The following PLOD2 variants were observed in gnomAD, a reference collection of about 807,000 sequenced individuals.
The protein encoded by PLOD2 is procollagen-lysine,2-oxoglutarate 5-dioxygenase 2.
PLOD2 carries 65 observed loss-of-function variants against 101.0 expected under a neutral mutation model. The observed-to-expected ratio is 0.64, with a 90% CI of 0.53 to 0.79. The LOEUF (loss-of-function observed/expected upper bound fraction) is 0.79, where lower values mean the gene tolerates loss of function less well. Ranked by LOEUF, PLOD2 falls within the 30% of genes least tolerant of loss-of-function variation. The pLI, the probability that PLOD2 is intolerant of heterozygous loss-of-function variation, is 0.00. For missense variants in PLOD2, 909 were observed against 914.6 expected (o/e 0.99, Z 0.08); for synonymous variants, 314 against 302.9 (o/e 1.04, Z -0.38).
chr3:146,102,492 C>T (rs961428693), intron 7 of PLOD2, among the ~76,000 whole-genome samples: 1 of 152,028 alleles, frequency 6.6e-6, no homozygotes, highest in African/African-American at 2.4e-5. Context: ...GTGGCTCACT[C>T]CCAAGTTAGT....
chr3:146,126,828 T>A (rs28648696), intron 1 of PLOD2, among the ~76,000 whole-genome samples: 8 of 138,800 alleles, frequency 5.8e-5, no homozygotes, highest in Non-Finnish European at 1.1e-4. Context: ...TACTTTTTTT[T>A]AAAAAAGAGT....
chr3:146,106,883 A>C (rs1387539870), intron 4 of PLOD2, among the ~76,000 whole-genome samples: 1 of 152,228 alleles, frequency 6.6e-6, no homozygotes, highest in Non-Finnish European at 1.5e-5. Flanking sequence ...AACTCTTTTT[A>C]AATAAATGTG....
intron 3 of PLOD2, among the ~76,000 whole-genome samples, chr3:146,113,955 G>A (rs2108076242): frequency 6.6e-6 from 1 of 152,194 alleles, no homozygotes; most frequent in Non-Finnish European, 1.5e-5. Context: ...GAAAGAAAAT[G>A]CTTTCCTAGG....
At chr3:146,086,187 T>C (rs1234756874) in intron 10 of PLOD2, 1 of 152,348 alleles carries the variant, frequency 6.6e-6, no homozygotes, top group African/African-American at 2.4e-5. Context: ...ATAAGATTAT[T>C]TCCTGATGAG....
At chr3:146,126,813 T>G in intron 1 of PLOD2, among the ~76,000 whole-genome samples, 1 of 115,934 alleles carries the variant, frequency 8.6e-6, no homozygotes, top group African/African-American at 3.3e-5. Flanking sequence ...CATGCTAATT[T>G]CATTTACTTT....
chr3:146,121,323 C>T, intron 2 of PLOD2, 75 bp from the exon 3 acceptor site: 2 of 1,245,108 alleles, frequency 1.6e-6, no homozygotes, highest in South Asian at 2.4e-5. Flanking sequence ...TTAAAGACAT[C>T]ATCAACTTGA....
chr3:146,141,537 C>A (rs989011181), intron 1 of PLOD2, among the ~76,000 whole-genome samples: 1 of 152,064 alleles, frequency 6.6e-6, no homozygotes, highest in African/African-American at 2.4e-5. Flanking sequence ...AAAGGGCTTT[C>A]ATCTTTATTC....
Position 146,102,828 on chromosome 3 carries a change from T to C in PLOD2, c.704A>G (p.Asn235Ser). ...AVDEVVLKFE[N>S]GKARAKNTFY... ...TGTATTCTTAGCTCTGGCTTTGCCA[T>C]TTTCAAATTTTAAAACAACTTCATC... The change falls in exon 7 of 20, where the codon AAT becomes AGT. Residue 235 changes from asparagine (N) to serine (S), a missense_variant. By Grantham distance (46) the Asn-to-Ser change is conservative. Transcript: ENST00000282903. The C allele has an allele frequency of 6.3e-7, 1 of 1,598,024 alleles. No individual in the cohort carries two copies. The highest frequency in any genetic ancestry group is 8.6e-7 in the Non-Finnish European group (1 of 1,165,504).
In PLOD2 at chr3:146,076,898, A is replaced by G. The variant is rs1559834134; in HGVS notation, c.1564-3T>C. On this transcript the variant is annotated splice_region_variant and splice_polypyrimidine_tract_variant and intron_variant, in intron 14 of 19. Transcript: ENST00000282903. ...TTAGAAATGTACATAAATACACCCT[A>G]TATGCCAGAAAATAACAGTATTAAT... 1 of 1,502,750 alleles carries G rather than the reference A, an allele frequency of 6.7e-7. No homozygotes were observed. The highest frequency in any genetic ancestry group is 9.3e-7 in the Non-Finnish European group (1 of 1,080,352). The allele number at this position is 1,502,750 out of a possible 1,614,324, so 93.1% of individuals were successfully genotyped here.
At chr3:146,124,927 A>AT (rs2030462625) in intron 1 of PLOD2, among the ~76,000 whole-genome samples, 1 of 152,178 alleles carries the variant, frequency 6.6e-6, no homozygotes, top group Non-Finnish European at 1.5e-5. Context: ...TCAATCCAAC[A>AT]TAACACTTCT....
chr3:146,088,731 T>A lies in PLOD2; in HGVS notation c.880-20A>T. 6.3e-7 allele frequency: 1 copy of A among 1,579,950 alleles called. No homozygotes were observed. Among genetic ancestry groups the A allele is most frequent in the Non-Finnish European group, 8.7e-7 (1 of 1,150,714 alleles). On this transcript the variant is annotated intron_variant, in intron 8 of 19. Coordinates refer to ENST00000282903, the MANE Select transcript of PLOD2 (RefSeq NM_182943.3). ...ATGGACCTTTGTTTTACACCAAACA[T>A]AAAAATAAAATTATCATTAGTATGG...
At chr3:146,097,033 C>A (rs1428110092) in intron 7 of PLOD2, among the ~76,000 whole-genome samples, 1 of 146,804 alleles carries the variant, frequency 6.8e-6, no homozygotes, top group Non-Finnish European at 1.5e-5. Flanking sequence ...CCAGCCGCCC[C>A]GTCCGGGAGG....
intron 1 of PLOD2, among the ~76,000 whole-genome samples, chr3:146,145,217 C>T (rs928358424): frequency 5.3e-5 from 8 of 152,072 alleles, no homozygotes; most frequent in African/African-American, 1.9e-4. Flanking sequence ...AAAATAAAAG[C>T]AAATGTTTTT....
intron 2 of PLOD2, among the ~76,000 whole-genome samples, chr3:146,122,370 T>A (rs923808364): frequency 2.0e-5 from 3 of 152,136 alleles, no homozygotes; most frequent in Non-Finnish European, 2.9e-5. Flanking sequence ...GAATCCCTAA[T>A]CCTAATGCAA....
At chr3:146,135,770 T>C (rs1434026844) in intron 1 of PLOD2, among the ~76,000 whole-genome samples, 3 of 152,166 alleles carry the variant, frequency 2.0e-5, no homozygotes, top group East Asian at 1.9e-4. Flanking sequence ...TTTAAAATTT[T>C]TGTATTTCTT....
chr3:146,072,226 C>T (rs1559831295), intron 17 of PLOD2, among the ~76,000 whole-genome samples: 1 of 151,230 alleles, frequency 6.6e-6, no homozygotes, highest in African/African-American at 2.4e-5. Flanking sequence ...TGTGAAAACG[C>T]AAGGAATAAA....
At chr3:146,138,666 G>C (rs183989106) in intron 1 of PLOD2, among the ~76,000 whole-genome samples, 2 of 152,266 alleles carry the variant, frequency 1.3e-5, no homozygotes, top group Admixed American at 1.3e-4. Context: ...GAGTTCAGAA[G>C]TCAGAATGAA....
chr3:146,149,839 T>C (rs2108138841), intron 1 of PLOD2, among the ~76,000 whole-genome samples: 1 of 151,726 alleles, frequency 6.6e-6, no homozygotes, highest in South Asian at 2.1e-4. Context: ...GTTTTTAAAA[T>C]TAAGTCACAC....
At chr3:146,071,899 T>C (rs1414180375) in intron 17 of PLOD2, among the ~76,000 whole-genome samples, 2 of 151,690 alleles carry the variant, frequency 1.3e-5, no homozygotes, top group Non-Finnish European at 3.0e-5. Flanking sequence ...TTTTCATTAT[T>C]TCATCACCCA....
Sources: gnomAD v4.1 joint callset for allele counts (sites outside exome capture counted in the v4.1 genomes callset) on GRCh38, gnomAD v4.1.1 for gene constraint, MANE v1.5 for transcripts, NCBI Gene and HGNC (gene_info 2026-07-23, HGNC 2026-07-21) for gene names.